Variants in RGS6 observed in about 807,000 individuals in gnomAD.
RGS6 encodes the protein regulator of G protein signaling 6, also known as regulator of G-protein signaling 6.
In RGS6, 30 loss-of-function variants were observed where a neutral mutation model predicts 78.5. That is an observed-to-expected ratio of 0.38 (90% CI 0.29 to 0.52). The LOEUF (loss-of-function observed/expected upper bound fraction) is 0.52, where lower values mean the gene tolerates loss of function less well. RGS6 is among the 20% of genes least tolerant of loss of function. The probability of loss-of-function intolerance (pLI) is 0.85; values close to 1 mark genes in which losing one functional copy is unlikely to be tolerated. For missense variants in RGS6, 495 were observed against 609.7 expected (o/e 0.81, Z 1.98); for synonymous variants, 206 against 206.0 (o/e 1.00, Z 0.00).
intron 2 of RGS6, among the ~76,000 whole-genome samples, chr14:72,274,353 A>C (rs1294372879): frequency 6.6e-6 from 1 of 152,172 alleles, no homozygotes; most frequent in African/African-American, 2.4e-5. Flanking sequence ...TGCTGCATCC[A>C]GGGCTTGGGG....
intron 2 of RGS6, among the ~76,000 whole-genome samples, chr14:72,125,519 A>G (rs914690612): frequency 1.5e-4 from 23 of 152,154 alleles, no homozygotes; most frequent in Non-Finnish European, 2.9e-5. Flanking sequence ...TGCAGTAGAG[A>G]AAAGATTTTA....
At chr14:72,411,820 A>G (rs2093435700) in intron 3 of RGS6, among the ~76,000 whole-genome samples, 1 of 152,128 alleles carries the variant, frequency 6.6e-6, no homozygotes, top group Non-Finnish European at 1.5e-5. Context: ...ATCTATTGAG[A>G]TTATCATGCG....
intron 2 of RGS6, among the ~76,000 whole-genome samples, chr14:72,202,928 A>G (rs1404508267): frequency 6.6e-6 from 1 of 152,020 alleles, no homozygotes; most frequent in Non-Finnish European, 1.5e-5. Flanking sequence ...GCTGGAGTGC[A>G]GTGGCGCCAT....
intron 2 of RGS6, among the ~76,000 whole-genome samples, chr14:72,218,484 A>C (rs2046104226): frequency 6.6e-6 from 1 of 152,142 alleles, no homozygotes; most frequent in Admixed American, 6.6e-5. Context: ...AATATGTTGT[A>C]TCAGTATATT....
chr14:72,497,898 T>A (rs561417114), intron 13 of RGS6, among the ~76,000 whole-genome samples: 4 of 152,156 alleles, frequency 2.6e-5, no homozygotes, highest in African/African-American at 9.6e-5. Flanking sequence ...AAATCCTTTT[T>A]TAAGAAGTCT....
intron 2 of RGS6, among the ~76,000 whole-genome samples, chr14:72,199,302 C>T (rs1294996023): frequency 6.6e-6 from 1 of 152,172 alleles, no homozygotes; most frequent in Non-Finnish European, 1.5e-5. Flanking sequence ...TCAATTGTTA[C>T]TGGCTTCGTA....
Position 72,454,559 on chromosome 14 carries a change from C to T in RGS6, c.216C>T (p.Asn72=). The T allele has an allele frequency of 6.2e-7, 1 of 1,614,034 alleles. No individual in the cohort carries two copies. The change falls in exon 4 of 18, where the codon AAC becomes AAT. Residue 72 remains asparagine, a synonymous_variant. Coordinates refer to ENST00000553525, the MANE Select transcript of RGS6 (RefSeq NM_001204424.2). The part of the protein sequence containing the change: ...GTDIVQWLMK[N]LSIEDPVEAI... ...ACATTGTGCAGTGGCTTATGAAGAA[C>T]CTTTCCATTGAGGACCCAGGTACTT...
At chr14:72,357,752 G>A (rs1225498601) in intron 3 of RGS6, among the ~76,000 whole-genome samples, 2 of 152,136 alleles carry the variant, frequency 1.3e-5, no homozygotes, top group Admixed American at 1.3e-4. Context: ...TGACGAACCA[G>A]TAGAAAAGAA....
intron 2 of RGS6, among the ~76,000 whole-genome samples, chr14:72,034,880 C>T (rs1465805450): frequency 6.6e-6 from 1 of 152,112 alleles, no homozygotes; most frequent in Non-Finnish European, 1.5e-5. Flanking sequence ...AGTTCACTTT[C>T]TGCAGTTTCA....
At chr14:72,442,472 A>G (rs1417297948) in intron 3 of RGS6, among the ~76,000 whole-genome samples, 2 of 152,136 alleles carry the variant, frequency 1.3e-5, no homozygotes, top group Non-Finnish European at 1.5e-5. Context: ...GTGTCCCCAT[A>G]GCACCCCACA....
chr14:72,195,321 C>T (rs1269382636), intron 2 of RGS6, among the ~76,000 whole-genome samples: 1 of 152,164 alleles, frequency 6.6e-6, no homozygotes, highest in Non-Finnish European at 1.5e-5. Flanking sequence ...TTTGAGCTGT[C>T]TCTTAGTGAC....
At chr14:72,184,979 C>G (rs550992537) in intron 2 of RGS6, among the ~76,000 whole-genome samples, 1 of 152,256 alleles carries the variant, frequency 6.6e-6, no homozygotes, top group African/African-American at 2.4e-5. Flanking sequence ...GGAAGCCAGT[C>G]CGAGTCCCAA....
chr14:72,010,871 CAAAG>C (rs141239662), intron 2 of RGS6, among the ~76,000 whole-genome samples: 1,619 of 152,278 alleles, frequency 0.011, 30 homozygotes, highest in African/African-American at 0.037. Flanking sequence ...TCCTGGATTA[CAAAG>C]AAAGTAACTA....
At chr14:72,339,807 C>T (rs2239242) in intron 2 of RGS6, among the ~76,000 whole-genome samples, 8,644 of 152,006 alleles carry the variant, frequency 0.057, 410 homozygotes, top group East Asian at 0.26. Flanking sequence ...AGACATGAAA[C>T]CAAAAAAGGG....
At chr14:72,409,494 C>A (rs535539284) in intron 3 of RGS6, among the ~76,000 whole-genome samples, 15 of 151,226 alleles carry the variant, frequency 9.9e-5, no homozygotes, top group Non-Finnish European at 2.1e-4. Context: ...GCTTAATGAC[C>A]TCCCAATTAA....
chr14:72,583,021 A>T, the RGS6 span, among the ~76,000 whole-genome samples: 2 of 152,168 alleles, frequency 1.3e-5, no homozygotes, highest in African/African-American at 4.8e-5. Context: ...GTACAAAAAA[A>T]GGGCAGAGGA....
intron 3 of RGS6, among the ~76,000 whole-genome samples, chr14:72,370,772 T>A (rs1311822631): frequency 1.3e-5 from 2 of 152,222 alleles, no homozygotes; most frequent in African/African-American, 4.8e-5. Context: ...TGTAAACTGT[T>A]CCCACAGTAT....
At chr14:71,873,841 G>A in the RGS6 span, among the ~76,000 whole-genome samples, 248 of 152,256 alleles carry the variant, frequency 1.6e-3, no homozygotes, top group African/African-American at 5.6e-3. Flanking sequence ...AAGGGATCCC[G>A]TTTCAGCTTT....
chr14:72,220,507 A>G (rs1338220995), intron 2 of RGS6, among the ~76,000 whole-genome samples: 1 of 152,210 alleles, frequency 6.6e-6, no homozygotes, highest in African/African-American at 2.4e-5. Context: ...GTTTGAAGGC[A>G]TGTGGAGCAA....
Sources: gnomAD v4.1 joint callset for allele counts (sites outside exome capture counted in the v4.1 genomes callset) on GRCh38, gnomAD v4.1.1 for gene constraint, MANE v1.5 for transcripts, NCBI Gene and HGNC (gene_info 2026-07-23, HGNC 2026-07-21) for gene names.